OR51A7: variants seen among roughly 807,000 people sequenced by gnomAD.
The protein encoded by OR51A7 is olfactory receptor family 51 subfamily A member 7, also known as olfactory receptor 51A7.
For missense variants in OR51A7, 409 were observed against 374.5 expected, an observed-to-expected ratio of 1.09 and a Z score of -0.76; for synonymous variants, 143 against 135.5, an observed-to-expected ratio of 1.05 and a Z score of -0.38.
chr11:4,907,867 A>C lies in OR51A7; in HGVS notation c.498A>C (p.Leu166Phe), dbSNP rs1354389673. ...CATTTCCCTTCACCTTAAGGAGATT[A>C]AAATATTGTCAAAAGAATCTTCTTT... Reference protein sequence around the residue: ...VIPFPFTLRRLKYCQKNLLSH... With the variant: ...VIPFPFTLRRFKYCQKNLLSH... The change falls in exon 2 of 2, where the codon TTA becomes TTC. Residue 166 changes from leucine (L) to phenylalanine (F), a missense_variant. Transcript: ENST00000641490. The C allele has an allele frequency of 3.7e-6, 6 of 1,613,860 alleles. No homozygotes were observed. The highest frequency in any genetic ancestry group is 5.1e-6 in the Non-Finnish European group (6 of 1,179,986).
Position 4,908,272 on chromosome 11 carries a change from G to A in OR51A7, c.903G>A (p.Lys301=), listed in dbSNP as rs779180803. ...TAAAGACTCGACAAATCTGGGAGAA[G>A]ATCTTGGGGAAGTTGCTTAATGTAT... ...YCVKTRQIWE[K]ILGKLLNVCG... Residue 301 remains lysine (K), a synonymous_variant, in exon 2 of 2, where the codon AAG becomes AAA. Coordinates refer to ENST00000641490, the MANE Select transcript of OR51A7 (RefSeq NM_001004749.2). The A allele has an allele frequency of 6.2e-7, 1 of 1,613,948 alleles. No homozygotes were observed. The highest frequency in any genetic ancestry group is 1.3e-5 in the African/African-American group (1 of 74,912).
rs10500627 is a variant in OR51A7, at chr11:4,907,831, C to G, written c.462C>G (p.Leu154=). Residue 154 remains leucine, a synonymous_variant, in exon 2 of 2, where the codon CTC becomes CTG. Coordinates refer to ENST00000641490, the MANE Select transcript of OR51A7 (RefSeq NM_001004749.2). The part of the protein sequence containing the change: ...MGLILAIRSI[L]LVIPFPFTLR... The stretch of plus-strand genomic sequence containing the variant: ...TTATTTTAGCCATTAGGAGCATTCT[C>G]TTAGTGATTCCATTTCCCTTCACCT... 159,709 of 1,613,484 alleles carry G rather than the reference C, an allele frequency of 0.099. 13,789 individuals are homozygous for G. The highest frequency in any genetic ancestry group is 0.57 in the East Asian group (25,329 of 44,828).
At chr11:4,905,047 G>C (rs1850862331) in intron 1 of OR51A7, among the ~76,000 whole-genome samples, 2 of 152,088 alleles carry the variant, frequency 1.3e-5, no homozygotes, top group East Asian at 3.9e-4. Flanking sequence ...TGAAAGACCT[G>C]AGTCAATATC....
In OR51A7 at chr11:4,908,427, T is replaced by A; in HGVS notation, c.*119T>A. 1.2e-6 allele frequency: 1 copy of A among 829,018 alleles called. No individual in the cohort carries two copies. Among genetic ancestry groups the A allele is most frequent in the Non-Finnish European group, 2.0e-6 (1 of 499,952 alleles). The allele number at this position is 829,018 out of a possible 1,614,324, so 51.4% of individuals were successfully genotyped here. On this transcript the variant is annotated 3_prime_UTR_variant, in exon 2 of 2. Transcript: ENST00000641490. ...TGGATGATGGAAGTGAAAAGCTATGTAGTGCAGAATTTATAATAAAGTTGA... is the reference window on the plus strand; with the variant it reads ...TGGATGATGGAAGTGAAAAGCTATGAAGTGCAGAATTTATAATAAAGTTGA...
Position 4,908,306 on chromosome 11 carries a change from T to C in OR51A7, c.937T>C (p.Ter313GlnextTer25). The C allele has an allele frequency of 6.2e-7, 1 of 1,612,830 alleles. No individual in the cohort carries two copies. Among genetic ancestry groups the C allele is most frequent in the Non-Finnish European group, 8.5e-7 (1 of 1,178,916 alleles). Residue 313 changes from the stop codon to glutamine (Q), a stop_lost, in exon 2 of 2, where the codon TAA becomes CAA. Transcript: ENST00000641490. ...GAAGTTGCTTAATGTATGTGGGAGA[T>C]AAGAACTTGAACAATTAGGTAATAA... is the stretch of plus-strand genomic sequence containing the variant. ...LGKLLNVCGR[*>Q]
chr11:4,909,337 G>A lies in OR51A7; in HGVS notation c.*1029G>A, dbSNP rs905048383. On this transcript the variant is annotated 3_prime_UTR_variant, in exon 2 of 2. Transcript: ENST00000641490. ...GAAGGGGGGCAAACAAGATTGATAT[G>A]GCAATCTCTCTGGGATTCTAAGGTA... 6.6e-5 allele frequency: 10 copies of A among 152,066 alleles called. No individual in the cohort carries two copies. The highest frequency in any genetic ancestry group is 1.5e-4 in the Non-Finnish European group (10 of 67,992). The allele number at this position is 152,066 out of a possible 1,614,324, so 9.4% of individuals were successfully genotyped here.
In OR51A7 at chr11:4,908,944, C is replaced by A. The variant is rs747751604; in HGVS notation, c.*636C>A. The A allele has an allele frequency of 6.5e-6, 1 of 154,488 alleles. No individual in the cohort carries two copies. The highest frequency in any genetic ancestry group is 1.9e-4 in the East Asian group (1 of 5,244). The allele number at this position is 154,488 out of a possible 1,614,324, so 9.6% of individuals were successfully genotyped here. The stretch of plus-strand genomic sequence containing the variant: ...GATTAACAGGAGAAAGCACAATAAT[C>A]CTGCTGTGAAGTGATGACTCAGAAT... On this transcript the variant is annotated 3_prime_UTR_variant, in exon 2 of 2. Transcript: ENST00000641490.
In OR51A7 at chr11:4,908,258, C is replaced by A. The variant is rs756756460; in HGVS notation, c.889C>A (p.Gln297Lys). 6.2e-7 allele frequency: 1 copy of A among 1,614,078 alleles called. No homozygotes were observed. The highest frequency in any genetic ancestry group is 8.5e-7 in the Non-Finnish European group (1 of 1,179,998). ...CATTGTGTACTGTGTAAAGACTCGA[C>A]AAATCTGGGAGAAGATCTTGGGGAA... ...NPIVYCVKTR[Q>K]IWEKILGKLL... The change falls in exon 2 of 2, where the codon CAA becomes AAA. Residue 297 changes from glutamine (Q) to lysine (K), a missense_variant. By Grantham distance (53) the Gln-to-Lys change is moderately conservative (BLOSUM62 1). Coordinates refer to ENST00000641490, the MANE Select transcript of OR51A7 (RefSeq NM_001004749.2).
chr11:4,905,473 G>C (rs1452249153), intron 1 of OR51A7, among the ~76,000 whole-genome samples: 4 of 152,034 alleles, frequency 2.6e-5, no homozygotes, highest in African/African-American at 7.2e-5. Flanking sequence ...TCACAGTTAA[G>C]CTTCCATATA....
intron 1 of OR51A7, 37 bp from the exon 2 acceptor site, chr11:4,907,302 C>A (rs1480559039): frequency 8.9e-7 from 1 of 1,120,084 alleles, no homozygotes; most frequent in Non-Finnish European, 1.3e-6. Context: ...TGAGTTTTAA[C>A]CAAAAGCATG....
chr11:4,904,356 G>A (rs752364403), intron 1 of OR51A7, among the ~76,000 whole-genome samples: 7 of 152,072 alleles, frequency 4.6e-5, no homozygotes, highest in Non-Finnish European at 7.4e-5. Context: ...TTAAAGAATA[G>A]CAATTCTAAG....
chr11:4,907,003 G>A (rs948457664), intron 1 of OR51A7, among the ~76,000 whole-genome samples: 1 of 149,086 alleles, frequency 6.7e-6, no homozygotes, highest in Non-Finnish European at 1.5e-5. Context: ...GGCTGAGGCA[G>A]GAGAATCACT....
At chr11:4,907,269 T>C (rs1301355821) in intron 1 of OR51A7, 70 bp from the exon 2 acceptor site, 13 of 715,234 alleles carry the variant, frequency 1.8e-5, no homozygotes, top group Non-Finnish European at 2.8e-5. Context: ...AGTATACGAA[T>C]GAACCCCTTA....
intron 1 of OR51A7, 84 bp from the exon 2 acceptor site, chr11:4,907,255 G>A (rs925798183): frequency 1.6e-6 from 1 of 641,950 alleles, no homozygotes; most frequent in Non-Finnish European, 2.7e-6. Context: ...ATGCCTTTGA[G>A]TATAGTATAC....
Position 4,908,328 on chromosome 11 carries a change from A to G in OR51A7, c.*20A>G. ...AGATAAGAACTTGAACAATTAGGTAATAAATTATCAACCAGTAGGCATTTA... is the reference window on the plus strand; with the variant it reads ...AGATAAGAACTTGAACAATTAGGTAGTAAATTATCAACCAGTAGGCATTTA... On this transcript the variant is annotated 3_prime_UTR_variant, in exon 2 of 2. Transcript: ENST00000641490. 1 of 1,596,982 alleles carries G rather than the reference A, an allele frequency of 6.3e-7. No individual in the cohort carries two copies. The highest frequency in any genetic ancestry group is 8.6e-7 in the Non-Finnish European group (1 of 1,164,856).
chr11:4,904,289 C>G (rs1850849350), intron 1 of OR51A7, among the ~76,000 whole-genome samples: 1 of 152,004 alleles, frequency 6.6e-6, no homozygotes, highest in African/African-American at 2.4e-5. Flanking sequence ...GGGTAAATTG[C>G]CATGCTGAGA....
rs1011588554 is a variant in OR51A7 at position 4,909,155 on chromosome 11, C to T, written c.*847C>T. ...TTCCCTGCGCCTTAAAAAAAATCAG[C>T]CCCTCTAATATGTTCTTAAAAATTG... On this transcript the variant is annotated 3_prime_UTR_variant, in exon 2 of 2. Transcript: ENST00000641490. 2 of 151,950 alleles carry T rather than the reference C, an allele frequency of 1.3e-5. No homozygotes were observed. Among genetic ancestry groups the T allele is most frequent in the Admixed American group, 1.3e-4 (2 of 15,248 alleles). 9.4% of individuals were successfully genotyped at this position (151,950 alleles called of 1,614,324 possible).
chr11:4,906,508 T>C (rs1169072086), intron 1 of OR51A7, among the ~76,000 whole-genome samples: 2 of 152,214 alleles, frequency 1.3e-5, no homozygotes, highest in African/African-American at 4.8e-5. Flanking sequence ...ATGTATAAAA[T>C]GTGCATAAGT....
At position 4,908,775 on chromosome 11, in the gene OR51A7, GA is replaced by G. The variant is rs138360151; in HGVS notation, c.*468del. The stretch of plus-strand genomic sequence containing the variant: ...TATTTTGGATAAAATAAGTGAACCA[GA>G]TTTTGGAGCACCTAAAAAAAGCTTT... On this transcript the variant is annotated 3_prime_UTR_variant, in exon 2 of 2. Transcript: ENST00000641490. 716 of 161,954 alleles carry G rather than the reference GA, an allele frequency of 4.4e-3. 6 individuals are homozygous for G. The highest frequency in any genetic ancestry group is 0.016 in the African/African-American group (657 of 41,622). 10.0% of individuals were successfully genotyped at this position (161,954 alleles called of 1,614,324 possible).
Sources: gnomAD v4.1 joint callset for allele counts (sites outside exome capture counted in the v4.1 genomes callset) on GRCh38, gnomAD v4.1.1 for gene constraint, MANE v1.5 for transcripts, NCBI Gene and HGNC (gene_info 2026-07-23, HGNC 2026-07-21) for gene names.